The following ZFP1 variants were observed in gnomAD, a reference collection of about 807,000 sequenced individuals.
The protein encoded by ZFP1 is zinc finger protein 1 homolog.
A neutral mutation model predicts 38.5 loss-of-function variants in ZFP1; 32 were observed. The ratio of observed to expected loss-of-function variants is 0.83; its 90% CI spans 0.63 to 1.12. The LOEUF is 1.12. Ranked by LOEUF, ZFP1 falls within the 50% of genes most tolerant of loss-of-function variation. The probability of loss-of-function intolerance (pLI) is 0.00; values close to 1 mark genes in which losing one functional copy is unlikely to be tolerated. For synonymous variants in ZFP1, 245 were observed against 168.8 expected, an observed-to-expected ratio of 1.45 and a Z score of -3.50; for missense variants, 616 against 480.8, an observed-to-expected ratio of 1.28 and a Z score of -2.63.
At chr16:75,140,557 G>C in the ZFP1 span, among the ~76,000 whole-genome samples, 1 of 152,184 alleles carries the variant, frequency 6.6e-6, no homozygotes, top group Non-Finnish European at 1.5e-5. Flanking sequence ...CCAGGACAGA[G>C]AGCTTGTGTC....
At chr16:75,160,127 G>T (rs1232063906) in intron 2 of ZFP1, among the ~76,000 whole-genome samples, 1 of 152,200 alleles carries the variant, frequency 6.6e-6, no homozygotes, top group African/African-American at 2.4e-5. Context: ...GAATCTTTAT[G>T]CAGAATGTTA....
chr16:75,169,467 G>C lies in ZFP1; in HGVS notation c.357G>C (p.Leu119Phe), dbSNP rs768885356. 1.9e-6 allele frequency: 3 copies of C among 1,612,784 alleles called. No homozygotes were observed. The highest frequency in any genetic ancestry group is 2.5e-6 in the Non-Finnish European group (3 of 1,179,770). Reference protein sequence around the residue: ...YEKTLKYNSDLLNSNRSYAGK... With the variant: ...YEKTLKYNSDFLNSNRSYAGK... ...AAACTTTGAAATATAATTCAGACTTGCTTAATAGTAATAGAAGCTATGCAG... is the reference window on the plus strand; with the variant it reads ...AAACTTTGAAATATAATTCAGACTTCCTTAATAGTAATAGAAGCTATGCAG... The change falls in exon 4 of 4, where the codon TTG (leucine) becomes TTC (phenylalanine). Residue 119 changes from leucine (L) to phenylalanine (F), a missense_variant. Transcript: ENST00000570010.
the ZFP1 span, among the ~76,000 whole-genome samples, chr16:75,120,461 C>G: frequency 2.6e-5 from 4 of 151,604 alleles, no homozygotes; most frequent in African/African-American, 9.7e-5. Flanking sequence ...AAGTTCGTCT[C>G]GTCTCTTCAA....
chr16:75,134,537 A>C, the ZFP1 span, among the ~76,000 whole-genome samples: 1 of 151,778 alleles, frequency 6.6e-6, no homozygotes, highest in East Asian at 1.9e-4. Flanking sequence ...CGGGTGGATC[A>C]CAAGGTCAGG....
Position 75,170,205 on chromosome 16 carries a change from A to T in ZFP1, c.1095A>T (p.Ser365=). The T allele has an allele frequency of 6.2e-7, 1 of 1,614,144 alleles. No homozygotes were observed. The highest frequency in any genetic ancestry group is 8.5e-7 in the Non-Finnish European group (1 of 1,180,004). Residue 365 remains serine, a synonymous_variant, in exon 4 of 4, where the codon TCA becomes TCT. Coordinates refer to ENST00000570010, the MANE Select transcript of ZFP1 (RefSeq NM_153688.4). ...GCGGCAAAACTTTCAGCCAGAGGTCAACTCTTAGATTACACTTGCGAATCC... is the reference window on the plus strand; with the variant it reads ...GCGGCAAAACTTTCAGCCAGAGGTCTACTCTTAGATTACACTTGCGAATCC... ...TECGKTFSQR[S]TLRLHLRIHT... is the part of the protein sequence containing the mutation.
chr16:75,164,872 C>G (rs1293886666), intron 2 of ZFP1, among the ~76,000 whole-genome samples: 3 of 151,476 alleles, frequency 2.0e-5, no homozygotes, highest in Non-Finnish European at 4.4e-5. Flanking sequence ...ATGGCACGAT[C>G]TCGACTTACC....
the ZFP1 span, among the ~76,000 whole-genome samples, chr16:75,141,428 A>C: frequency 6.6e-6 from 1 of 151,504 alleles, no homozygotes; most frequent in South Asian, 2.1e-4. Flanking sequence ...GATGGTCTCG[A>C]TCTCCTGAAC....
chr16:75,121,233 G>A, the ZFP1 span, among the ~76,000 whole-genome samples: 1 of 149,440 alleles, frequency 6.7e-6, no homozygotes, highest in Non-Finnish European at 1.5e-5. Context: ...GGTGATCTCT[G>A]TACTCCAGAG....
At chr16:75,129,229 A>G in the ZFP1 span, among the ~76,000 whole-genome samples, 2 of 152,102 alleles carry the variant, frequency 1.3e-5, no homozygotes, top group Non-Finnish European at 2.9e-5. Context: ...AGACTTCACA[A>G]CCTTCTAAAA....
the ZFP1 span, among the ~76,000 whole-genome samples, chr16:75,133,878 G>A: frequency 0.044 from 6,746 of 152,134 alleles, 525 homozygotes; most frequent in African/African-American, 0.15. Context: ...GTGAAACCCC[G>A]TCTGTAATAA....
chr16:75,144,091 A>C (rs770568163), upstream of ZFP1: 8 of 152,178 alleles, frequency 5.3e-5, no homozygotes, highest in Non-Finnish European at 1.0e-4. Flanking sequence ...TTTTCAGGGA[A>C]AATTAATAGA....
chr16:75,164,027 T>C (rs952173171), intron 2 of ZFP1, among the ~76,000 whole-genome samples: 2 of 152,224 alleles, frequency 1.3e-5, no homozygotes, highest in African/African-American at 4.8e-5. Context: ...TTAATCACTT[T>C]TATATCATGA....
chr16:75,158,510 T>C (rs1295285603), intron 2 of ZFP1, among the ~76,000 whole-genome samples: 2 of 151,590 alleles, frequency 1.3e-5, no homozygotes, highest in Non-Finnish European at 2.9e-5. Flanking sequence ...ATTTTAATTT[T>C]AATTTTTTTT....
chr16:75,123,495 A>G, the ZFP1 span, among the ~76,000 whole-genome samples: 1 of 94,170 alleles, frequency 1.1e-5, no homozygotes, highest in East Asian at 4.0e-4. Flanking sequence ...ATATATATAT[A>G]TATATGTAGG....
At chr16:75,148,503 G>C (rs2145483566), upstream of ZFP1, 1 of 152,422 alleles carries the variant, frequency 6.6e-6, no homozygotes, top group Admixed American at 6.5e-5. Context: ...CATGTGCAGT[G>C]CTGCGAGCGC....
the ZFP1 span, among the ~76,000 whole-genome samples, chr16:75,124,304 A>G: frequency 4.0e-5 from 6 of 149,736 alleles, no homozygotes; most frequent in African/African-American, 9.8e-5. Flanking sequence ...GATTACAGGC[A>G]CCCACCACCA....
At chr16:75,135,017 G>A in the ZFP1 span, among the ~76,000 whole-genome samples, 2 of 151,158 alleles carry the variant, frequency 1.3e-5, no homozygotes, top group African/African-American at 4.9e-5. Flanking sequence ...TCGTGCCATT[G>A]CACTTCAGCC....
chr16:75,161,743 T>G (rs2037786718), intron 2 of ZFP1, among the ~76,000 whole-genome samples: 1 of 116,312 alleles, frequency 8.6e-6, no homozygotes, highest in East Asian at 2.5e-4. Flanking sequence ...AAATAAAGCA[T>G]AGTAGTTTTA....
the ZFP1 span, chr16:75,126,171 G>C: frequency 4.6e-5 from 7 of 151,798 alleles, no homozygotes; most frequent in Admixed American, 3.3e-4. Context: ...ACTTTTGTGA[G>C]ACAGAGTCTT....
Sources: gnomAD v4.1 joint callset for allele counts (sites outside exome capture counted in the v4.1 genomes callset) on GRCh38, gnomAD v4.1.1 for gene constraint, MANE v1.5 for transcripts, NCBI Gene and HGNC (gene_info 2026-07-23, HGNC 2026-07-21) for gene names.